The following LIN9 variants were observed in gnomAD, a reference collection of about 807,000 sequenced individuals.
The protein encoded by LIN9 is protein lin-9 homolog.
A neutral mutation model predicts 78.0 loss-of-function variants in LIN9; 18 were observed. That is an observed-to-expected ratio of 0.23 (90% confidence interval 0.16 to 0.34). The LOEUF is 0.34. Among genes scored for constraint, LIN9 ranks in the 10% least tolerant of loss-of-function variants. LIN9 has a pLI of 1.00. For synonymous variants in LIN9, 192 were observed against 215.2 expected (o/e 0.89, Z 0.94); for missense variants, 451 against 644.1 (o/e 0.70, Z 3.25).
rs1659835213 is a variant in LIN9 at position 226,265,279 on chromosome 1, C to T, written c.1038+254G>A. On this transcript the variant is annotated intron_variant, in intron 10 of 14. Transcript: ENST00000681046. This position sits in a 1 kb window ranked among gnomAD's most constrained non-coding sequence, Gnocchi z 4.1. Reference sequence around the variant, plus strand: ...GCCAAACATTCAGAATTTCACAGAACATATGCAAGAATGTTTGAGCCCTTA... The same window carrying T: ...GCCAAACATTCAGAATTTCACAGAATATATGCAAGAATGTTTGAGCCCTTA... Among the ~76,000 whole-genome samples, 1 of 152,182 alleles carries T rather than the reference C, an allele frequency of 6.6e-6. No individual in the cohort carries two copies. Among genetic ancestry groups the T allele is most frequent in the Non-Finnish European group, 1.5e-5 (1 of 68,038 alleles).
At chr1:226,283,617 T>TTATTAA (rs1003451628) in intron 6 of LIN9, among the ~76,000 whole-genome samples, 5 of 152,114 alleles carry the variant, frequency 3.3e-5, no homozygotes, top group African/African-American at 1.2e-4. Context: ...ATAGCCAAAT[T>TTATTAA]TATTAATGTT....
intron 8 of LIN9, among the ~76,000 whole-genome samples, chr1:226,267,109 A>C (rs948609345): frequency 7.9e-5 from 12 of 151,724 alleles, no homozygotes; most frequent in Admixed American, 4.6e-4. Context: ...GAGAGTTTAA[A>C]GCTTTCATCC....
chr1:226,245,842 A>G (rs1031593184), intron 11 of LIN9, among the ~76,000 whole-genome samples: 5 of 152,170 alleles, frequency 3.3e-5, no homozygotes, highest in Admixed American at 2.0e-4. Flanking sequence ...AAGCAATCCA[A>G]TGGCATGAGC....
intron 3 of LIN9, 84 bp downstream of exon 3, chr1:226,297,635 T>A: frequency 1.1e-6 from 1 of 880,954 alleles, no homozygotes; most frequent in Non-Finnish European, 1.7e-6. Context: ...AATTTTTTAC[T>A]GTGCTGCAAG....
chr1:226,275,581 T>C (rs1304352728), intron 7 of LIN9, among the ~76,000 whole-genome samples: 1 of 149,972 alleles, frequency 6.7e-6, no homozygotes, highest in Non-Finnish European at 1.5e-5. Context: ...CAGTCCCAGC[T>C]ACTCGGGAGG....
At chr1:226,277,636 T>C (rs1191076276) in intron 7 of LIN9, 139 bp downstream of exon 7, 7 of 732,980 alleles carry the variant, frequency 9.6e-6, no homozygotes, top group Non-Finnish European at 1.5e-5. Context: ...GGGATAGGGA[T>C]AGGGTGAGGG....
chr1:226,248,628 C>T (rs1021998534), intron 11 of LIN9, among the ~76,000 whole-genome samples: 5 of 151,956 alleles, frequency 3.3e-5, no homozygotes, highest in African/African-American at 1.2e-4. Flanking sequence ...AATTATGGTA[C>T]AATACAATCA....
chr1:226,279,531 G>A (rs992850996), intron 6 of LIN9, among the ~76,000 whole-genome samples: 1 of 150,682 alleles, frequency 6.6e-6, no homozygotes, highest in African/African-American at 2.5e-5. Context: ...GGGAGGCTGA[G>A]GCGGATGGAC....
chr1:226,261,178 A>G (rs78142369), intron 10 of LIN9, among the ~76,000 whole-genome samples: 2,358 of 152,228 alleles, frequency 0.015, 25 homozygotes, highest in Non-Finnish European at 0.025. Context: ...CATGTCTAAT[A>G]TCATACTTAA....
In LIN9 at chr1:226,297,833, C is replaced by T; in HGVS notation, c.65-20G>A. ...TTCCTTCTGTAATAAATAGTTAATA[C>T]TAATGGAATTTTGGCTTAGTTCAAA... On this transcript the variant is annotated intron_variant, in intron 2 of 14. Transcript: ENST00000681046. The T allele has an allele frequency of 7.0e-7, 1 of 1,438,240 alleles. No homozygotes were observed. Among genetic ancestry groups the T allele is most frequent in the South Asian group, 1.5e-5 (1 of 68,666 alleles). 89.1% of individuals were successfully genotyped at this position (1,438,240 alleles called of 1,614,324 possible). A position where few individuals can be genotyped will look rare whatever the true frequency, so the allele number is the denominator to read the frequency against.
rs778300418 is a variant in LIN9, at chr1:226,236,516, C to T, written c.1245+2455G>A. ...TGTTGCCCAGGCTGGAGTGCAATGG[C>T]GCAATCTCGGCTCACTGCAAGCTCC... On this transcript the variant is annotated intron_variant, in intron 12 of 14. Coordinates refer to ENST00000681046, the MANE Select transcript of LIN9 (RefSeq NM_001366245.2). 6.6e-5 allele frequency among the ~76,000 whole-genome samples: 10 copies of T among 152,184 alleles called. No individual in the cohort carries two copies. The East Asian group carries it at 1.2e-3, about 18-fold the overall frequency.
rs1159837208 is a variant in LIN9 at position 226,231,618 on chromosome 1, T to C, written c.*883A>G. 1.3e-5 allele frequency: 2 copies of C among 152,680 alleles called. No homozygotes were observed. The highest frequency in any genetic ancestry group is 1.9e-4 in the East Asian group (1 of 5,188). The allele number at this position is 152,680 out of a possible 1,614,324, so 9.5% of individuals were successfully genotyped here. A position where few individuals can be genotyped will look rare whatever the true frequency, so the allele number is the denominator to read the frequency against. On this transcript the variant is annotated 3_prime_UTR_variant, in exon 15 of 15. Transcript: ENST00000681046. Reference sequence around the variant, plus strand: ...CTGGTTATTATATTTGTTTTCCTTATAAAATCTTTTTACTTTATAAATTGT... The same window carrying C: ...CTGGTTATTATATTTGTTTTCCTTACAAAATCTTTTTACTTTATAAATTGT...
intron 14 of LIN9, chr1:226,232,854 C>T (rs1185220031): frequency 2.0e-6 from 1 of 493,160 alleles, no homozygotes; most frequent in African/African-American, 2.0e-5. Context: ...GAAGCTCTAC[C>T]TCTAAGCTCA....
intron 1 of LIN9, among the ~76,000 whole-genome samples, chr1:226,304,883 T>G (rs752438870): frequency 2.6e-5 from 4 of 152,120 alleles, no homozygotes; most frequent in African/African-American, 9.7e-5. Context: ...GGAAGTTACA[T>G]AGTAATACAA....
chr1:226,286,459 C>A lies in LIN9; in HGVS notation c.399-1G>T. Reference sequence around the variant, plus strand: ...GTCATTATCACCTTCAAAAAGTGGTCTGTAAAACAGATATAGTATTTTAAT... The same window carrying A: ...GTCATTATCACCTTCAAAAAGTGGTATGTAAAACAGATATAGTATTTTAAT... On this transcript the variant is annotated splice_acceptor_variant, in intron 5 of 14. Coordinates refer to ENST00000681046, the MANE Select transcript of LIN9 (RefSeq NM_001366245.2). LOFTEE classifies it high-confidence loss of function. The A allele has an allele frequency of 6.4e-7, 1 of 1,564,546 alleles. No homozygotes were observed.
intron 4 of LIN9, among the ~76,000 whole-genome samples, 163 bp downstream of exon 4, chr1:226,295,679 C>CA (rs930164814): frequency 2.0e-5 from 3 of 151,718 alleles, no homozygotes; most frequent in Admixed American, 1.3e-4. Flanking sequence ...TAAAGTTGAT[C>CA]AAAAAAATAA....
rs770169450 is a variant in LIN9, at chr1:226,258,894, C to CAAAAA, written c.1038+6634_1038+6638dup. Among the ~76,000 whole-genome samples, 163 of 54,782 alleles carry CAAAAA rather than the reference C, an allele frequency of 3.0e-3. 30 individuals carry two copies. The highest frequency in any genetic ancestry group is 9.6e-3 in the African/African-American group (123 of 12,764). The allele number at this position is 54,782 out of a possible 152,430, so 35.9% of individuals were successfully genotyped here. A position where few individuals can be genotyped will look rare whatever the true frequency, so the allele number is the denominator to read the frequency against. ...GTGACAGAGCAAGACTCTGTCTCAA[C>CAAAAA]AAAAAAAAAAAAAAAAAAAAAAAAA... On this transcript the variant is annotated intron_variant, in intron 10 of 14. Coordinates refer to ENST00000681046, the MANE Select transcript of LIN9 (RefSeq NM_001366245.2).
At chr1:226,267,480 C>G (rs950157443) in intron 8 of LIN9, among the ~76,000 whole-genome samples, 3 of 147,562 alleles carry the variant, frequency 2.0e-5, no homozygotes, top group African/African-American at 7.4e-5. Flanking sequence ...GAAACCAGAT[C>G]TAGAGCCTTG....
intron 11 of LIN9, among the ~76,000 whole-genome samples, chr1:226,247,160 G>A (rs1212098751): frequency 6.6e-6 from 1 of 151,874 alleles, no homozygotes; most frequent in Non-Finnish European, 1.5e-5. Context: ...AATTTTGATT[G>A]CTAGAGTTTA....
Sources: allele counts gnomAD v4.1 joint callset (sites outside exome capture counted in the v4.1 genomes callset), GRCh38; gene constraint gnomAD v4.1.1; non-coding constraint Gnocchi (gnomAD v3.1); transcripts MANE v1.5; gene names NCBI Gene and HGNC (gene_info 2026-07-23, HGNC 2026-07-21).